The following ZRANB3 variants were observed in gnomAD, a reference collection of about 807,000 sequenced individuals.
ZRANB3 encodes DNA annealing helicase and endonuclease ZRANB3.
ZRANB3 carries 125 observed loss-of-function variants against 133.8 expected under a neutral mutation model. The ratio of observed to expected loss-of-function variants is 0.93; its 90% CI spans 0.81 to 1.08. The LOEUF is 1.08. Ranked by LOEUF, ZRANB3 falls within the 50% of genes least tolerant of loss-of-function variation. The pLI is 0.00. For missense variants in ZRANB3, 1,229 were observed against 1,275.5 expected (o/e 0.96, Z 0.56); for synonymous variants, 387 against 432.7 (o/e 0.89, Z 1.31).
chr2:135,495,205 G>A lies in ZRANB3; in HGVS notation c.161+9124C>T, dbSNP rs559838182. Among the ~76,000 whole-genome samples, 17 of 152,148 alleles carry A rather than the reference G, an allele frequency of 1.1e-4. No homozygotes were observed. The South Asian group carries it at 2.1e-3, about 19-fold the overall frequency. ...ATTGTGCCATTGCACTCCAGCCTACGTGACAGAGTGAGATCATGTTTCTAA... is the reference window on the plus strand; with the variant it reads ...ATTGTGCCATTGCACTCCAGCCTACATGACAGAGTGAGATCATGTTTCTAA... On this transcript the variant is annotated intron_variant, in intron 2 of 20. Coordinates refer to ENST00000264159, the MANE Select transcript of ZRANB3 (RefSeq NM_032143.4).
intron 3 of ZRANB3, among the ~76,000 whole-genome samples, chr2:135,372,842 T>C (rs531963996): frequency 1.3e-5 from 2 of 150,910 alleles, no homozygotes; most frequent in African/African-American, 2.4e-5. Context: ...TCCTAGCACT[T>C]TGGGAGGCCA....
chr2:135,414,269 C>A (rs1325774136), intron 2 of ZRANB3, among the ~76,000 whole-genome samples: 1 of 151,882 alleles, frequency 6.6e-6, no homozygotes, highest in African/African-American at 2.4e-5. Context: ...ATCTACCAAG[C>A]CAATGGAAAA....
At chr2:135,280,402 T>C (rs957821489) in intron 8 of ZRANB3, among the ~76,000 whole-genome samples, 4 of 152,050 alleles carry the variant, frequency 2.6e-5, no homozygotes, top group African/African-American at 9.7e-5. Context: ...ACCCCATCTC[T>C]ACTAAAAATA....
chr2:135,391,081 G>A (rs1226220021), intron 2 of ZRANB3, among the ~76,000 whole-genome samples: 1 of 152,104 alleles, frequency 6.6e-6, no homozygotes, highest in Non-Finnish European at 1.5e-5. Flanking sequence ...GGATGGTATC[G>A]ATCTCTTGAC....
intron 2 of ZRANB3, among the ~76,000 whole-genome samples, chr2:135,493,245 T>C (rs1245411236): frequency 6.9e-6 from 1 of 145,160 alleles, no homozygotes; most frequent in African/African-American, 2.5e-5. Context: ...AGGTAGGAAA[T>C]GACTTGTTCA....
At chr2:135,418,469 G>C (rs1375074153) in intron 2 of ZRANB3, among the ~76,000 whole-genome samples, 5 of 151,992 alleles carry the variant, frequency 3.3e-5, no homozygotes, top group Non-Finnish European at 7.4e-5. Context: ...TTAAAATCTA[G>C]GGCTTAATTA....
rs574458185 is a variant in ZRANB3 at position 135,383,931 on chromosome 2, G to C, written c.180+6871C>G. On this transcript the variant is annotated intron_variant, in intron 3 of 20. Transcript: ENST00000264159. Reference sequence around the variant, plus strand: ...TGACACCCTGACAACACAATTAAAAGAACTAGAGAAGCAAAAGCGAACACA... The same window carrying C: ...TGACACCCTGACAACACAATTAAAACAACTAGAGAAGCAAAAGCGAACACA... Among the ~76,000 whole-genome samples, 7 of 152,264 alleles carry C rather than the reference G, an allele frequency of 4.6e-5. No individual in the cohort carries two copies. In the South Asian group the frequency reaches 1.2e-3, roughly 27 times the overall value.
chr2:135,419,233 AG>A (rs1314074761), intron 2 of ZRANB3, among the ~76,000 whole-genome samples: 2 of 151,274 alleles, frequency 1.3e-5, no homozygotes, highest in African/African-American at 4.9e-5. Context: ...CACCGCACCT[AG>A]GCTTTTTTTT....
chr2:135,297,276 G>A (rs1385053098), intron 8 of ZRANB3, among the ~76,000 whole-genome samples: 6 of 152,178 alleles, frequency 3.9e-5, no homozygotes, highest in Admixed American at 1.3e-4. Flanking sequence ...CTTGGCAATG[G>A]GGGGCACCCC....
At chr2:135,414,332 C>G (rs1362120557) in intron 2 of ZRANB3, among the ~76,000 whole-genome samples, 1 of 152,070 alleles carries the variant, frequency 6.6e-6, no homozygotes, top group Non-Finnish European at 1.5e-5. Context: ...GACTTTAAAC[C>G]AACAAAGATC....
At position 135,350,157 on chromosome 2, in the gene ZRANB3, T is replaced by C. The variant is rs368359534; in HGVS notation, c.418A>G (p.Lys140Glu). ...TTATTCAGTGCATCTATCAAAGTCT[T>C]TGCATCTGCGGTTAAGAGACCATAA... ...LGYGLLTADA[K>E]TLIDALNNQN... Residue 140 changes from lysine (K) to glutamate (E), a missense_variant, in exon 5 of 21, where the codon AAG (lysine) becomes GAG (glutamate). Lys to Glu is a moderately conservative substitution (Grantham distance 56, BLOSUM62 1). Coordinates refer to ENST00000264159, the MANE Select transcript of ZRANB3 (RefSeq NM_032143.4). 1.9e-6 allele frequency: 3 copies of C among 1,612,060 alleles called. No individual in the cohort carries two copies. Among genetic ancestry groups the C allele is most frequent in the Non-Finnish European group, 2.5e-6 (3 of 1,179,010 alleles).
rs369280509 is a variant in ZRANB3 at position 135,341,647 on chromosome 2, C to T, written c.677+3903G>A. On this transcript the variant is annotated intron_variant, in intron 6 of 20. Coordinates refer to ENST00000264159, the MANE Select transcript of ZRANB3 (RefSeq NM_032143.4). ...ACTGTATTTCTCTTATTGCTGAAAA[C>T]GGGTAAGAGAAATATCGCTGAATTC... Among the ~76,000 whole-genome samples the T allele has an allele frequency of 8.7e-5, 13 of 149,950 alleles. No individual in the cohort carries two copies. The South Asian group carries it at 1.7e-3, about 19-fold the overall frequency.
In ZRANB3 at chr2:135,311,595, A is replaced by AT. The variant is rs779922167; in HGVS notation, c.966+1893dup. 1.0e-3 allele frequency among the ~76,000 whole-genome samples: 149 copies of AT among 149,086 alleles called. 1 individual carries two copies. Among genetic ancestry groups the AT allele is most frequent in the African/African-American group, 3.4e-3 (141 of 41,054 alleles). ...AGGTGAAAGAATAAAAAAAAAAAAA[A>AT]TTTTAGGGGCCAGATGAGGTAGCTC... On this transcript the variant is annotated intron_variant, in intron 8 of 20. Transcript: ENST00000264159.
At chr2:135,408,507 T>C (rs1306003065) in intron 2 of ZRANB3, among the ~76,000 whole-genome samples, 2 of 152,162 alleles carry the variant, frequency 1.3e-5, no homozygotes, top group Non-Finnish European at 2.9e-5. Context: ...ATCATGCTGC[T>C]ATAAAGACAC....
At chr2:135,211,924 T>A (rs981262044) in intron 17 of ZRANB3, among the ~76,000 whole-genome samples, 1 of 152,182 alleles carries the variant, frequency 6.6e-6, no homozygotes, top group African/African-American at 2.4e-5. Flanking sequence ...GTGTTTTAAA[T>A]GTGGGTAGAT....
intron 6 of ZRANB3, among the ~76,000 whole-genome samples, chr2:135,340,132 T>A (rs1684570760): frequency 6.7e-6 from 1 of 148,716 alleles, no homozygotes; most frequent in South Asian, 2.1e-4. Context: ...TAAGACAGAG[T>A]CTTGCTCTTG....
intron 8 of ZRANB3, among the ~76,000 whole-genome samples, chr2:135,313,236 C>G (rs1683088341): frequency 1.3e-5 from 2 of 151,142 alleles, no homozygotes; most frequent in Non-Finnish European, 2.9e-5. Context: ...GCCTGTAGTC[C>G]TGGCTACTTG....
chr2:135,408,302 G>A (rs556143808), intron 2 of ZRANB3, among the ~76,000 whole-genome samples: 1,991 of 151,990 alleles, frequency 0.013, 36 homozygotes, highest in African/African-American at 0.044. Flanking sequence ...TTAGAATGGC[G>A]ATCATTAAAA....
chr2:135,324,756 T>A (rs1378843988), intron 6 of ZRANB3, among the ~76,000 whole-genome samples: 1 of 152,198 alleles, frequency 6.6e-6, no homozygotes, highest in Non-Finnish European at 1.5e-5. Context: ...GTTTCCTGAC[T>A]TTTTAATGAT....
Sources: gnomAD v4.1 joint callset for allele counts (sites outside exome capture counted in the v4.1 genomes callset) on GRCh38, gnomAD v4.1.1 for gene constraint, MANE v1.5 for transcripts, NCBI Gene and HGNC (gene_info 2026-07-23, HGNC 2026-07-21) for gene names.